Variants in NR5A2 observed in about 807,000 individuals in gnomAD.
The protein encoded by NR5A2 is CYP7A promoter-binding factor.
A neutral mutation model predicts 62.7 loss-of-function variants in NR5A2; 26 were observed. The ratio of observed to expected loss-of-function variants is 0.41; its 90% CI spans 0.30 to 0.58. The LOEUF (loss-of-function observed/expected upper bound fraction) is 0.58. Ranked by LOEUF, NR5A2 falls within the 20% of genes least tolerant of loss-of-function variation. NR5A2 has a pLI of 0.22. For synonymous variants in NR5A2, 246 were observed against 241.7 expected (o/e 1.02, Z -0.16); for missense variants, 541 against 669.1 (o/e 0.81, Z 2.11).
At chr1:200,074,175 A>G (rs932618496) in intron 5 of NR5A2, among the ~76,000 whole-genome samples, 2 of 152,210 alleles carry the variant, frequency 1.3e-5, no homozygotes, top group Admixed American at 6.5e-5. Flanking sequence ...ATTCATGGGC[A>G]TGAATATTAC....
Position 200,035,963 on chromosome 1 carries a change from G to C in NR5A2, c.65-3695G>C, listed in dbSNP as rs114532303. ...CAGGCCTCCCGGGTTCTAGTCTCTGGTCTCCGCCACCAGTTACAATTCCCG... is the reference window on the plus strand; with the variant it reads ...CAGGCCTCCCGGGTTCTAGTCTCTGCTCTCCGCCACCAGTTACAATTCCCG... On this transcript the variant is annotated intron_variant, in intron 1 of 7. Transcript: ENST00000367362. 4.7e-3 allele frequency among the ~76,000 whole-genome samples: 713 copies of C among 152,264 alleles called. 9 individuals are homozygous for C. The highest frequency in any genetic ancestry group is 0.017 in the African/African-American group (689 of 41,556).
chr1:200,036,311 G>C (rs1661777007), intron 1 of NR5A2, among the ~76,000 whole-genome samples: 1 of 152,216 alleles, frequency 6.6e-6, no homozygotes, highest in Admixed American at 6.5e-5. Context: ...TTTCGGAGAG[G>C]GCTTTCTGGG....
At chr1:200,103,287 C>A (rs1410156020) in intron 5 of NR5A2, among the ~76,000 whole-genome samples, 1 of 151,978 alleles carries the variant, frequency 6.6e-6, no homozygotes, top group Non-Finnish European at 1.5e-5. Flanking sequence ...CCACGCTGGG[C>A]TAATTTTTTG....
At chr1:200,094,807 C>T (rs1665001068) in intron 5 of NR5A2, among the ~76,000 whole-genome samples, 1 of 152,002 alleles carries the variant, frequency 6.6e-6, no homozygotes, top group South Asian at 2.1e-4. Context: ...GCTGGGATTA[C>T]AGGCGTGAGC....
chr1:200,084,536 T>C (rs1664439095), intron 5 of NR5A2, among the ~76,000 whole-genome samples: 1 of 152,312 alleles, frequency 6.6e-6, no homozygotes, highest in South Asian at 2.1e-4. Context: ...GAATAAACAA[T>C]GGATTTTCAC....
At chr1:200,061,705 C>T (rs766397710) in intron 5 of NR5A2, among the ~76,000 whole-genome samples, 14 of 152,172 alleles carry the variant, frequency 9.2e-5, no homozygotes, top group African/African-American at 2.9e-4. Flanking sequence ...ATAAGAGCCT[C>T]GCAAAGGTGG....
At chr1:200,074,277 A>G (rs1252717483) in intron 5 of NR5A2, among the ~76,000 whole-genome samples, 1 of 151,964 alleles carries the variant, frequency 6.6e-6, no homozygotes, top group Non-Finnish European at 1.5e-5. Context: ...AACTGATTGT[A>G]AGACTGTAGT....
At chr1:200,125,822 G>A (rs1358280580) in intron 7 of NR5A2, among the ~76,000 whole-genome samples, 1 of 152,114 alleles carries the variant, frequency 6.6e-6, no homozygotes, top group Non-Finnish European at 1.5e-5. Flanking sequence ...AAGACCTTCA[G>A]GGCTTGAAAG....
At chr1:200,135,657 T>G (rs551931710) in intron 7 of NR5A2, among the ~76,000 whole-genome samples, 32 of 152,296 alleles carry the variant, frequency 2.1e-4, no homozygotes, top group Admixed American at 1.2e-3. Flanking sequence ...AGATTCTTGT[T>G]CTATTGTATC....
intron 5 of NR5A2, among the ~76,000 whole-genome samples, chr1:200,074,736 C>CAAAAAAAAAAAAAAAAA (rs199556915): frequency 4.3e-4 from 29 of 67,532 alleles, no homozygotes; most frequent in East Asian, 1.3e-3. Context: ...GAGTCCATCT[C>CAAAAAAAAAAAAAAAAA]AAAAAAAAAA....
At chr1:200,150,619 A>C (rs773159669) in intron 7 of NR5A2, among the ~76,000 whole-genome samples, 1 of 152,186 alleles carries the variant, frequency 6.6e-6, no homozygotes, top group African/African-American at 2.4e-5. Flanking sequence ...TGTGTATTTA[A>C]ATGTCAAAAA....
At chr1:200,090,037 C>T (rs760161336) in intron 5 of NR5A2, among the ~76,000 whole-genome samples, 2 of 152,074 alleles carry the variant, frequency 1.3e-5, no homozygotes, top group Admixed American at 6.6e-5. Context: ...TGGGGACTAT[C>T]TGGCAAAATC....
chr1:200,147,782 C>A lies in NR5A2; in HGVS notation c.1379-26181C>A, dbSNP rs896146478. The A allele has an allele frequency of 1.0e-5, 5 of 484,156 alleles. No homozygotes were observed. The highest frequency in any genetic ancestry group is 3.2e-5 in the Admixed American group (1 of 31,256). The allele number at this position is 484,156 out of a possible 1,614,324, so 30.0% of individuals were successfully genotyped here. A position where few individuals can be genotyped will look rare whatever the true frequency, so the allele number is the denominator to read the frequency against. The stretch of plus-strand genomic sequence containing the variant: ...CCGGCGCGAATGCCGGCACGGATGC[C>A]GGCACGGTGGGCAGCCGCCGTGGCG... On this transcript the variant is annotated intron_variant, in intron 7 of 7. Coordinates refer to ENST00000367362, the MANE Select transcript of NR5A2 (RefSeq NM_205860.3). The surrounding 1 kb of genome is among the most constrained non-coding windows in gnomAD (Gnocchi z 4.9).
At chr1:200,041,356 C>A (rs1558098466) in intron 2 of NR5A2, among the ~76,000 whole-genome samples, 1 of 152,130 alleles carries the variant, frequency 6.6e-6, no homozygotes, top group African/African-American at 2.4e-5. Flanking sequence ...TCAGAAGTCG[C>A]CACTCACTCA....
At chr1:200,101,068 ATCTTT>A (rs1665342754) in intron 5 of NR5A2, among the ~76,000 whole-genome samples, 3 of 152,126 alleles carry the variant, frequency 2.0e-5, no homozygotes, top group Admixed American at 6.5e-5. Flanking sequence ...CTGCTTCCAA[ATCTTT>A]TCTTAAGGAT....
intron 7 of NR5A2, among the ~76,000 whole-genome samples, chr1:200,130,498 T>A (rs1666927657): frequency 6.6e-6 from 1 of 152,208 alleles, no homozygotes; most frequent in Admixed American, 6.5e-5. Context: ...CCTGTTCTTA[T>A]CCCTTAGTTG....
At chr1:200,082,519 C>A (rs558318552) in intron 5 of NR5A2, among the ~76,000 whole-genome samples, 1 of 151,810 alleles carries the variant, frequency 6.6e-6, no homozygotes, top group Non-Finnish European at 1.5e-5. Flanking sequence ...TGAGTCAAAC[C>A]GAAAAAAATG....
At chr1:200,042,726 G>C in intron 2 of NR5A2, 25 of 690,912 alleles carry the variant, frequency 3.6e-5, no homozygotes, top group Non-Finnish European at 3.9e-5. Flanking sequence ...GCCCACCCGC[G>C]CCCCGCGCTC....
At chr1:200,138,141 G>T (rs1667305138) in intron 7 of NR5A2, among the ~76,000 whole-genome samples, 1 of 152,078 alleles carries the variant, frequency 6.6e-6, no homozygotes, top group South Asian at 2.1e-4. Flanking sequence ...TCCGATTGGT[G>T]GATATTTATT....
Sources: allele counts gnomAD v4.1 joint callset (sites outside exome capture counted in the v4.1 genomes callset), GRCh38; gene constraint gnomAD v4.1.1; non-coding constraint Gnocchi (gnomAD v3.1); transcripts MANE v1.5; gene names NCBI Gene and HGNC (gene_info 2026-07-23, HGNC 2026-07-21).